The following PCSK5 variants were observed in gnomAD, a reference collection of about 807,000 sequenced individuals.
PCSK5 encodes prohormone convertase 5.
In PCSK5, 129 loss-of-function variants were observed where a neutral mutation model predicts 233.2. That is an observed-to-expected ratio of 0.55 (90% CI 0.48 to 0.64). The LOEUF (loss-of-function observed/expected upper bound fraction) is 0.64, where lower values mean the gene tolerates loss of function less well. PCSK5 is among the 30% of genes least tolerant of loss of function. The probability of loss-of-function intolerance (pLI) is 0.00; values close to 1 mark genes in which losing one functional copy is unlikely to be tolerated. For synonymous variants in PCSK5, 825 were observed against 879.2 expected, an observed-to-expected ratio of 0.94 and a Z score of 1.09; for missense variants, 2,076 against 2,430.1, an observed-to-expected ratio of 0.85 and a Z score of 3.06.
intron 33 of PCSK5, among the ~76,000 whole-genome samples, chr9:76,330,309 G>A (rs58760843): frequency 0.2 from 30,563 of 152,088 alleles, 3,284 homozygotes; most frequent in South Asian, 0.23. Flanking sequence ...AAACAAGCAT[G>A]GGAGAAAGAA....
chr9:76,280,621 A>G (rs560502618), intron 24 of PCSK5, among the ~76,000 whole-genome samples: 7 of 152,170 alleles, frequency 4.6e-5, no homozygotes, highest in Non-Finnish European at 5.9e-5. Context: ...CTGTAGTCCC[A>G]GCTACATGGT....
intron 24 of PCSK5, among the ~76,000 whole-genome samples, chr9:76,260,250 C>G (rs1827125506): frequency 6.6e-6 from 1 of 152,108 alleles, no homozygotes; most frequent in South Asian, 2.1e-4. Context: ...GATAATCCAT[C>G]TGTAGTAGGC....
intron 3 of PCSK5, among the ~76,000 whole-genome samples, chr9:76,015,224 C>T (rs867240927): frequency 6.6e-6 from 1 of 152,210 alleles, no homozygotes; most frequent in Non-Finnish European, 1.5e-5. Flanking sequence ...AAAGCAAATT[C>T]ACTCTTCCTC....
chr9:76,079,944 T>A (rs1830774111), intron 7 of PCSK5, among the ~76,000 whole-genome samples: 2 of 152,350 alleles, frequency 1.3e-5, no homozygotes, highest in South Asian at 4.1e-4. Flanking sequence ...TGCTTTTAAT[T>A]ATATTTATGT....
chr9:75,937,199 T>TTA (rs1491202400), intron 2 of PCSK5, among the ~76,000 whole-genome samples: 1 of 116,924 alleles, frequency 8.6e-6, no homozygotes, highest in African/African-American at 3.1e-5. Context: ...TTTTTTTTTT[T>TTA]AAAGAGTCTC....
intron 20 of PCSK5, among the ~76,000 whole-genome samples, chr9:76,225,287 C>T (rs143877132): frequency 6.6e-6 from 1 of 152,282 alleles, no homozygotes; most frequent in Non-Finnish European, 1.5e-5. Flanking sequence ...CCCTTAGTAG[C>T]TGGCATGTAT....
At chr9:76,162,023 G>A (rs1205855116) in intron 12 of PCSK5, among the ~76,000 whole-genome samples, 1 of 152,160 alleles carries the variant, frequency 6.6e-6, no homozygotes, top group Non-Finnish European at 1.5e-5. Context: ...CTGAAAATAA[G>A]TAGCCACTGA....
chr9:76,344,033 G>C (rs1397171301), intron 35 of PCSK5, among the ~76,000 whole-genome samples: 1 of 151,928 alleles, frequency 6.6e-6, no homozygotes. Flanking sequence ...TAAAATTACT[G>C]AGATGTTTTA....
chr9:76,349,278 A>G (rs1400627243), intron 35 of PCSK5, among the ~76,000 whole-genome samples: 1 of 103,252 alleles, frequency 9.7e-6, no homozygotes, highest in Non-Finnish European at 2.3e-5. Context: ...TGTCTCAAAA[A>G]AAAAAAAAAA....
chr9:76,328,047 A>G lies in PCSK5; in HGVS notation c.4378A>G (p.Thr1460Ala). ...CTGCTTGACCTGCTCATCATCTGGG[A>G]CCTGCACCACCTGTCAGAAAGGCCT... ...KSCLTCSSSG[T>A]CTTCQKGLIM... The change falls in exon 33 of 38, where the codon ACC (threonine) becomes GCC (alanine). Residue 1460 changes from threonine to alanine, a missense_variant. Physicochemically the swap from Thr to Ala is moderately conservative, Grantham distance 58. Around this residue, in one of 6 missense-constraint regions of PCSK5, gnomAD observed 1,510 missense variants for 1,538.1 expected, o/e 0.98. Coordinates refer to ENST00000674117, the MANE Select transcript of PCSK5 (RefSeq NM_001372043.1). 1.2e-6 allele frequency: 2 copies of G among 1,612,772 alleles called. No homozygotes were observed. Among genetic ancestry groups the G allele is most frequent in the Non-Finnish European group, 1.7e-6 (2 of 1,179,796 alleles).
At chr9:76,130,829 G>C (rs1160998348) in intron 9 of PCSK5, among the ~76,000 whole-genome samples, 1 of 152,136 alleles carries the variant, frequency 6.6e-6, no homozygotes, top group Non-Finnish European at 1.5e-5. Flanking sequence ...GGGGTGTGTA[G>C]CATAACTACA....
intron 3 of PCSK5, among the ~76,000 whole-genome samples, chr9:76,003,116 C>T (rs1474823321): frequency 1.3e-5 from 2 of 152,178 alleles, no homozygotes; most frequent in Non-Finnish European, 2.9e-5. Flanking sequence ...TAGCAAGAGT[C>T]TACAGAGGAC....
chr9:75,935,910 G>A (rs771390986), intron 2 of PCSK5, among the ~76,000 whole-genome samples: 3 of 152,074 alleles, frequency 2.0e-5, no homozygotes, highest in Non-Finnish European at 4.4e-5. Flanking sequence ...GGTAAATATC[G>A]TATCTGCCAG....
intron 8 of PCSK5, among the ~76,000 whole-genome samples, chr9:76,101,535 C>T (rs1049860604): frequency 1.2e-4 from 19 of 152,142 alleles, no homozygotes; most frequent in Admixed American, 7.2e-4. Flanking sequence ...CCAGTCCCTC[C>T]CATCATTAAA....
intron 30 of PCSK5, among the ~76,000 whole-genome samples, chr9:76,314,427 G>A (rs1165009935): frequency 6.6e-6 from 1 of 152,164 alleles, no homozygotes; most frequent in African/African-American, 2.4e-5. Flanking sequence ...CAGAGTCTGA[G>A]GAACACATAA....
intron 30 of PCSK5, among the ~76,000 whole-genome samples, chr9:76,319,247 G>A (rs1829119112): frequency 6.6e-6 from 1 of 152,182 alleles, no homozygotes; most frequent in South Asian, 2.1e-4. Context: ...GGCGGATCAC[G>A]AGGTCAAGAG....
At chr9:76,351,451 A>AG (rs1830125328) in intron 36 of PCSK5, among the ~76,000 whole-genome samples, 1 of 42,526 alleles carries the variant, frequency 2.4e-5, no homozygotes, top group Non-Finnish European at 4.3e-5. Flanking sequence ...AAGAAAGGAA[A>AG]GAAAGAAAGA....
intron 1 of PCSK5, among the ~76,000 whole-genome samples, chr9:75,901,089 G>C (rs1014138663): frequency 3.9e-5 from 6 of 152,124 alleles, no homozygotes; most frequent in Non-Finnish European, 5.9e-5. Flanking sequence ...ATTCCGCTGA[G>C]GAGGAAAGGA....
intron 21 of PCSK5, among the ~76,000 whole-genome samples, chr9:76,232,846 A>G (rs528699180): frequency 6.6e-6 from 1 of 152,322 alleles, no homozygotes; most frequent in East Asian, 1.9e-4. Flanking sequence ...GTAGGTGTTC[A>G]CAGTAGGTGT....
Sources: allele counts gnomAD v4.1 joint callset (sites outside exome capture counted in the v4.1 genomes callset), GRCh38; gene constraint gnomAD v4.1.1; regional missense constraint gnomAD v4.1.1; transcripts MANE v1.5; gene names NCBI Gene and HGNC (gene_info 2026-07-23, HGNC 2026-07-21).